Variants in SCIMP observed in about 807,000 individuals in gnomAD.
The protein encoded by SCIMP is SLP adaptor and CSK interacting membrane protein.
A neutral mutation model predicts 22.0 loss-of-function variants in SCIMP; 18 were observed. That is an observed-to-expected ratio of 0.82 (90% CI 0.56 to 1.21). SCIMP has a LOEUF of 1.21. SCIMP is among the 50% of genes most tolerant of loss of function. The pLI, the probability that SCIMP is intolerant of heterozygous loss-of-function variation, is 0.00. For missense variants in SCIMP, 155 were observed against 171.2 expected (o/e 0.91, Z 0.53); for synonymous variants, 53 against 62.2 (o/e 0.85, Z 0.70).
At chr17:5,224,137 G>A (rs569707677) in intron 1 of SCIMP, among the ~76,000 whole-genome samples, 1 of 152,142 alleles carries the variant, frequency 6.6e-6, no homozygotes, top group African/African-American at 2.4e-5. Context: ...TTGACTGCAG[G>A]GTTGTTTTTT....
At chr17:5,217,872 T>C (rs1027245381) in intron 3 of SCIMP, among the ~76,000 whole-genome samples, 2 of 152,130 alleles carry the variant, frequency 1.3e-5, no homozygotes, top group African/African-American at 4.8e-5. Context: ...GCTATAAACA[T>C]ACGTGTGCCT....
chr17:5,217,659 G>A (rs1377450117), intron 3 of SCIMP, among the ~76,000 whole-genome samples: 1 of 147,692 alleles, frequency 6.8e-6, no homozygotes, highest in East Asian at 2.0e-4. Flanking sequence ...GAGAACATGC[G>A]GTGTTTGTTT....
intron 4 of SCIMP, among the ~76,000 whole-genome samples, chr17:5,212,318 A>G (rs1268502133): frequency 5.3e-5 from 8 of 152,148 alleles, no homozygotes; most frequent in African/African-American, 1.7e-4. Context: ...GAGCATCCTC[A>G]TCTGTCACAG....
chr17:5,214,516 A>G (rs909475776), intron 4 of SCIMP: 31 of 158,862 alleles, frequency 2.0e-4, no homozygotes, highest in Admixed American at 1.7e-3. Context: ...AGATCGCGCC[A>G]CTGCACTCCA....
intron 1 of SCIMP, 179 bp from the exon 2 acceptor site, chr17:5,223,635 C>T: frequency 1.8e-6 from 1 of 566,556 alleles, no homozygotes; most frequent in Non-Finnish European, 3.2e-6. Flanking sequence ...CTGCAACCTC[C>T]ACCTCCCGGG....
intron 4 of SCIMP, chr17:5,213,025 C>CTTTTTTTTTTTTTTTTTTT (rs1555612864): frequency 3.4e-6 from 2 of 586,410 alleles, no homozygotes; most frequent in African/African-American, 2.2e-5. Context: ...GTGGTAACTT[C>CTTTTTTTTTTTTTTTTTTT]TGAGCTGACA....
At chr17:5,227,374 C>T (rs1201505031) in intron 1 of SCIMP, among the ~76,000 whole-genome samples, 1 of 151,906 alleles carries the variant, frequency 6.6e-6, no homozygotes, top group Non-Finnish European at 1.5e-5. Flanking sequence ...CACAGCTACT[C>T]AGGAGGTTAA....
At chr17:5,215,596 A>G (rs907907258) in intron 3 of SCIMP, among the ~76,000 whole-genome samples, 3 of 152,224 alleles carry the variant, frequency 2.0e-5, no homozygotes, top group African/African-American at 7.2e-5. Context: ...CCTAGGCAAC[A>G]GAGTGAGACT....
At chr17:5,212,733 C>T (rs542863469) in intron 4 of SCIMP, among the ~76,000 whole-genome samples, 46 of 152,314 alleles carry the variant, frequency 3.0e-4, no homozygotes, top group South Asian at 1.0e-3. Flanking sequence ...TGAAACACAG[C>T]GCATGCTCAA....
chr17:5,210,996 G>C, intron 4 of SCIMP, 41 bp from the exon 5 acceptor site: 1 of 1,572,052 alleles, frequency 6.4e-7, no homozygotes, highest in Non-Finnish European at 8.6e-7. Flanking sequence ...AAGCTGTCAT[G>C]TGTTTTTATA....
chr17:5,220,234 A>G (rs530782084), intron 3 of SCIMP, among the ~76,000 whole-genome samples: 1 of 152,274 alleles, frequency 6.6e-6, no homozygotes, highest in East Asian at 1.9e-4. Flanking sequence ...AAAGAAGTAT[A>G]GACTGGGCGC....
chr17:5,221,057 C>CAAAA (rs137985713), intron 3 of SCIMP: 9 of 526,036 alleles, frequency 1.7e-5, no homozygotes, highest in African/African-American at 2.2e-5. Context: ...GACTCCATCT[C>CAAAA]AAAAAAAAAA....
Position 5,217,380 on chromosome 17 carries a change from T to TTGTGTG in SCIMP, c.210-2388_210-2383dup, listed in dbSNP as rs10554192. Reference sequence around the variant, plus strand: ...CCCAGTTTTATTCTTTTTTGTTTGCTTGTGTGTGTGTGTGTGTGTGTGTGT... The same window carrying TTGTGTG: ...CCCAGTTTTATTCTTTTTTGTTTGCTTGTGTGTGTGTGTGTGTGTGTGTGTGTGTGT... On this transcript the variant is annotated intron_variant, in intron 3 of 4. Coordinates refer to ENST00000574081, the MANE Select transcript of SCIMP (RefSeq NM_207103.3). Among the ~76,000 whole-genome samples the TTGTGTG allele has an allele frequency of 9.1e-4, 136 of 149,052 alleles. No individual in the cohort carries two copies. The Middle Eastern group carries it at 0.01, about 11-fold the overall frequency.
rs183143005 is a variant in SCIMP, at chr17:5,214,953, C to T, written c.255G>A (p.Pro85=). 32 of 1,608,926 alleles carry T rather than the reference C, an allele frequency of 2.0e-5. No individual in the cohort carries two copies. The Admixed American group carries it at 2.7e-4, about 13-fold the overall frequency. The change falls in exon 4 of 5, where the codon CCG becomes CCA. Residue 85 remains proline (P), a synonymous_variant. Transcript: ENST00000574081. ...ESPVQLPPLP[P]RNWPSLEDSS... ...AGTCTTCTAGAGAAGGCCAATTCCTCGGTGGCAGAGGCGGTAATTGAACTG... is the reference window on the plus strand; with the variant it reads ...AGTCTTCTAGAGAAGGCCAATTCCTTGGTGGCAGAGGCGGTAATTGAACTG...
chr17:5,211,993 A>G (rs573785174), intron 4 of SCIMP, among the ~76,000 whole-genome samples: 6 of 152,282 alleles, frequency 3.9e-5, no homozygotes, highest in Admixed American at 6.5e-5. Flanking sequence ...GGTTGCAGTG[A>G]GCCAAGATTG....
At chr17:5,234,140 G>A (rs1292558429) in intron 1 of SCIMP, among the ~76,000 whole-genome samples, 4 of 152,026 alleles carry the variant, frequency 2.6e-5, no homozygotes, top group Admixed American at 2.0e-4. Flanking sequence ...GTGTGGTGGC[G>A]GGTGCCTGTA....
At chr17:5,220,015 C>T (rs574370098) in intron 3 of SCIMP, among the ~76,000 whole-genome samples, 22 of 152,258 alleles carry the variant, frequency 1.4e-4, no homozygotes, top group Middle Eastern at 3.4e-3. Flanking sequence ...TGTATTCTTT[C>T]GCCATAATGT....
chr17:5,215,240 T>A, intron 3 of SCIMP: 1 of 462,212 alleles, frequency 2.2e-6, no homozygotes, highest in Admixed American at 3.6e-5. Context: ...TAAAGTGCTA[T>A]AATTCAGAGC....
rs903576657 is a variant in SCIMP, at chr17:5,221,666, C to T, written c.146-316G>A. 9.2e-5 allele frequency among the ~76,000 whole-genome samples: 14 copies of T among 152,088 alleles called. No homozygotes were observed. The East Asian group carries it at 1.3e-3, about 15-fold the overall frequency. On this transcript the variant is annotated intron_variant, in intron 2 of 4. Coordinates refer to ENST00000574081, the MANE Select transcript of SCIMP (RefSeq NM_207103.3). Reference sequence around the variant, plus strand: ...TTTGTATCCTGTAGATGGACATACACGTTGTTATAAATTATAGCCTGCTTG... The same window carrying T: ...TTTGTATCCTGTAGATGGACATACATGTTGTTATAAATTATAGCCTGCTTG...
Sources: gnomAD v4.1 joint callset for allele counts (sites outside exome capture counted in the v4.1 genomes callset) on GRCh38, gnomAD v4.1.1 for gene constraint, MANE v1.5 for transcripts, NCBI Gene and HGNC (gene_info 2026-07-23, HGNC 2026-07-21) for gene names.